The following KCNIP4 variants were observed in gnomAD, a reference collection of about 807,000 sequenced individuals.
KCNIP4 encodes potassium voltage-gated channel interacting protein 4, also known as Kv channel-interacting protein 4.
A neutral mutation model predicts 34.0 loss-of-function variants in KCNIP4; 12 were observed. That is an observed-to-expected ratio of 0.35 (90% CI 0.23 to 0.57). The LOEUF (loss-of-function observed/expected upper bound fraction) is 0.57, where lower values mean the gene tolerates loss of function less well. KCNIP4 is among the 20% of genes least tolerant of loss of function. KCNIP4 has a pLI of 0.83. For missense variants in KCNIP4, 238 were observed against 311.7 expected (o/e 0.76, Z 1.78); for synonymous variants, 124 against 102.2 (o/e 1.21, Z -1.29).
intron 1 of KCNIP4, among the ~76,000 whole-genome samples, chr4:21,227,834 C>T (rs962763635): frequency 7.2e-5 from 11 of 152,116 alleles, no homozygotes; most frequent in Non-Finnish European, 1.5e-4. Flanking sequence ...ATAGAGCTGA[C>T]ATACTCCTGG....
rs376386163 is a variant in KCNIP4, at chr4:21,560,026, A to T, written c.61+388545T>A. On this transcript the variant is annotated intron_variant, in intron 1 of 8. Coordinates refer to ENST00000382152, the MANE Select transcript of KCNIP4 (RefSeq NM_025221.6). ...TTTTACTTTGATTTTCCCCTTTGTA[A>T]TCAGATGATGCATCTTTGATAATAT... 1.9e-3 allele frequency among the ~76,000 whole-genome samples: 284 copies of T among 152,168 alleles called. 1 individual carries two copies. Among genetic ancestry groups the T allele is most frequent in the African/African-American group, 6.5e-3 (269 of 41,540 alleles).
intron 1 of KCNIP4, among the ~76,000 whole-genome samples, chr4:21,205,371 G>T (rs941234562): frequency 6.6e-6 from 1 of 152,162 alleles, no homozygotes; most frequent in Non-Finnish European, 1.5e-5. Context: ...AGACGCTTCA[G>T]GAGGTGTCTG....
rs190566340 is a variant in KCNIP4, at chr4:21,138,196, C to T, written c.62-255487G>A. ...GCTTTGCTGGTGTTGTTTCTGCCAC[C>T]TGGAATTCTTTTTTCTATTTCCAAT... On this transcript the variant is annotated intron_variant, in intron 1 of 8. Coordinates refer to ENST00000382152, the MANE Select transcript of KCNIP4 (RefSeq NM_025221.6). Among the ~76,000 whole-genome samples, 6 of 152,254 alleles carry T rather than the reference C, an allele frequency of 3.9e-5. No individual in the cohort carries two copies. In the East Asian group the frequency reaches 1.2e-3, roughly 29 times the overall value.
intron 1 of KCNIP4, among the ~76,000 whole-genome samples, chr4:21,512,320 T>C (rs2109925232): frequency 6.6e-6 from 1 of 152,288 alleles, no homozygotes; most frequent in South Asian, 2.1e-4. Context: ...CAAGCAGTCA[T>C]TAAAGCAATC....
chr4:21,416,710 T>C (rs1381435973), intron 1 of KCNIP4, among the ~76,000 whole-genome samples: 10 of 152,228 alleles, frequency 6.6e-5, no homozygotes, highest in Non-Finnish European at 4.4e-5. Context: ...TGACTTCAAA[T>C]GCAGAAGCAA....
chr4:21,825,552 G>T (rs1722629200), intron 1 of KCNIP4, among the ~76,000 whole-genome samples: 2 of 152,080 alleles, frequency 1.3e-5, no homozygotes, highest in South Asian at 4.1e-4. Flanking sequence ...AATTAGAATG[G>T]TTTCCACAAG....
intron 1 of KCNIP4, among the ~76,000 whole-genome samples, chr4:21,491,652 C>A (rs976509746): frequency 6.6e-6 from 1 of 152,146 alleles, no homozygotes; most frequent in Non-Finnish European, 1.5e-5. Context: ...TGATTACAGG[C>A]ATAAGCCACC....
chr4:21,179,445 G>A (rs1754681241), intron 1 of KCNIP4, among the ~76,000 whole-genome samples: 1 of 152,178 alleles, frequency 6.6e-6, no homozygotes, highest in African/African-American at 2.4e-5. Context: ...AATATAGTAG[G>A]AAGCATTGGA....
chr4:21,195,788 C>A (rs1440121249), intron 1 of KCNIP4, among the ~76,000 whole-genome samples: 1 of 152,162 alleles, frequency 6.6e-6, no homozygotes, highest in Non-Finnish European at 1.5e-5. Context: ...TGCAATGGCT[C>A]ATTAAGAATG....
At chr4:21,855,315 G>A (rs190075665) in intron 1 of KCNIP4, among the ~76,000 whole-genome samples, 51 of 152,214 alleles carry the variant, frequency 3.4e-4, no homozygotes, top group African/African-American at 1.1e-3. Context: ...TCTGACCTCC[G>A]TTAGCTTTTC....
At chr4:21,134,417 A>G (rs1032900424) in intron 1 of KCNIP4, among the ~76,000 whole-genome samples, 1 of 152,216 alleles carries the variant, frequency 6.6e-6, no homozygotes, top group Non-Finnish European at 1.5e-5. Context: ...TTGATTTACT[A>G]TGTTATTGGT....
At chr4:21,681,609 C>A (rs1397687043) in intron 1 of KCNIP4, among the ~76,000 whole-genome samples, 2 of 152,206 alleles carry the variant, frequency 1.3e-5, no homozygotes, top group Non-Finnish European at 2.9e-5. Flanking sequence ...TTCCCTATTT[C>A]TCTCAGCATT....
At chr4:21,666,764 G>A (rs1222991213) in intron 1 of KCNIP4, among the ~76,000 whole-genome samples, 2 of 152,052 alleles carry the variant, frequency 1.3e-5, no homozygotes, top group Admixed American at 6.6e-5. Context: ...AGCAAGAATA[G>A]AACCTTCTCT....
At chr4:20,923,479 C>G (rs1384412092) in intron 1 of KCNIP4, among the ~76,000 whole-genome samples, 2 of 152,006 alleles carry the variant, frequency 1.3e-5, no homozygotes, top group Non-Finnish European at 2.9e-5. Context: ...TTGTACTCAC[C>G]TATATAGATG....
intron 1 of KCNIP4, among the ~76,000 whole-genome samples, chr4:21,623,083 G>A (rs574435581): frequency 6.6e-6 from 1 of 152,282 alleles, no homozygotes; most frequent in Admixed American, 6.5e-5. Flanking sequence ...TGTGTTCAGT[G>A]CAGTACTATG....
At chr4:20,955,112 G>A (rs764759274) in intron 1 of KCNIP4, among the ~76,000 whole-genome samples, 1 of 152,158 alleles carries the variant, frequency 6.6e-6, no homozygotes, top group Non-Finnish European at 1.5e-5. Flanking sequence ...TATTGCAGTG[G>A]CAGCTTCCTT....
At chr4:21,522,347 T>C (rs1164567174) in intron 1 of KCNIP4, among the ~76,000 whole-genome samples, 1 of 152,008 alleles carries the variant, frequency 6.6e-6, no homozygotes, top group Non-Finnish European at 1.5e-5. Context: ...AAAATACATT[T>C]TCACCTGCCA....
Position 21,502,842 on chromosome 4 carries a change from G to A in KCNIP4, c.61+445729C>T, listed in dbSNP as rs937352721. The stretch of plus-strand genomic sequence containing the variant: ...TAGCATGCTCTAAGGGGTTATTAGG[G>A]TCTCCAGGTAATATTGCATAATTGC... On this transcript the variant is annotated intron_variant, in intron 1 of 8. Coordinates refer to ENST00000382152, the MANE Select transcript of KCNIP4 (RefSeq NM_025221.6). Among the ~76,000 whole-genome samples, 60 of 152,228 alleles carry A rather than the reference G, an allele frequency of 3.9e-4. No homozygotes were observed. In the Middle Eastern group the frequency reaches 0.014, roughly 35 times the overall value.
intron 1 of KCNIP4, among the ~76,000 whole-genome samples, chr4:21,893,714 C>T (rs960873117): frequency 6.6e-6 from 1 of 152,088 alleles, no homozygotes; most frequent in African/African-American, 2.4e-5. Context: ...AGATCATTTC[C>T]TATAGCCAAA....
Sources: gnomAD v4.1 joint callset for allele counts (sites outside exome capture counted in the v4.1 genomes callset) on GRCh38, gnomAD v4.1.1 for gene constraint, MANE v1.5 for transcripts, NCBI Gene and HGNC (gene_info 2026-07-23, HGNC 2026-07-21) for gene names.